PHACTR3: variants seen among roughly 807,000 people sequenced by gnomAD.
The protein encoded by PHACTR3 is protein phosphatase 1, regulatory subunit 123.
PHACTR3 carries 16 observed loss-of-function variants against 66.8 expected under a neutral mutation model. That is an observed-to-expected ratio of 0.24 (90% CI 0.16 to 0.36). The LOEUF (loss-of-function observed/expected upper bound fraction) is 0.36. Ranked by LOEUF, PHACTR3 falls within the 10% of genes least tolerant of loss-of-function variation. PHACTR3 has a pLI of 1.00. For synonymous variants in PHACTR3, 323 were observed against 292.1 expected (o/e 1.11, Z -1.08); for missense variants, 647 against 719.9 (o/e 0.90, Z 1.16).
intron 7 of PHACTR3, among the ~76,000 whole-genome samples, chr20:59,778,521 C>T (rs1196337361): frequency 6.6e-6 from 1 of 152,208 alleles, no homozygotes; most frequent in Non-Finnish European, 1.5e-5. Context: ...AACACTTGGC[C>T]CCTTCTTCTC....
intron 1 of PHACTR3, among the ~76,000 whole-genome samples, chr20:59,589,825 A>G (rs999435003): frequency 2.0e-5 from 3 of 152,264 alleles, no homozygotes; most frequent in African/African-American, 7.2e-5. Flanking sequence ...TGTGCACAAC[A>G]GTGCCAATTC....
At chr20:59,711,622 A>G (rs760635111) in intron 1 of PHACTR3, among the ~76,000 whole-genome samples, 18 of 152,182 alleles carry the variant, frequency 1.2e-4, no homozygotes, top group Non-Finnish European at 2.6e-4. Flanking sequence ...ATGTGCTCAA[A>G]ACACTTATGT....
At chr20:59,735,334 A>T (rs2038909678) in intron 1 of PHACTR3, among the ~76,000 whole-genome samples, 1 of 152,158 alleles carries the variant, frequency 6.6e-6, no homozygotes, top group Admixed American at 6.5e-5. Context: ...CGATATGATG[A>T]ATGGGTTTGT....
chr20:59,724,590 C>G (rs2146694777), intron 1 of PHACTR3, among the ~76,000 whole-genome samples: 1 of 152,240 alleles, frequency 6.6e-6, no homozygotes, highest in South Asian at 2.1e-4. Flanking sequence ...TCCTCTTCAC[C>G]TGGGGAGATT....
intron 1 of PHACTR3, among the ~76,000 whole-genome samples, chr20:59,689,817 A>G (rs1487878474): frequency 1.3e-5 from 2 of 152,078 alleles, no homozygotes; most frequent in Admixed American, 1.3e-4. Flanking sequence ...ACATCCCTGT[A>G]TCCTGGCATC....
chr20:59,587,746 C>T (rs1166521061), intron 1 of PHACTR3, among the ~76,000 whole-genome samples: 2 of 152,012 alleles, frequency 1.3e-5, no homozygotes. Flanking sequence ...GGAGCTGGGG[C>T]TGGAGCCGGG....
chr20:59,707,145 G>A (rs1403694289), intron 1 of PHACTR3, among the ~76,000 whole-genome samples: 4 of 152,220 alleles, frequency 2.6e-5, no homozygotes, highest in African/African-American at 9.6e-5. Flanking sequence ...TGTGGACCAC[G>A]CCAGCAGGGC....
intron 8 of PHACTR3, among the ~76,000 whole-genome samples, chr20:59,806,951 T>C (rs2041590365): frequency 6.6e-6 from 1 of 152,092 alleles, no homozygotes. Context: ...ACATACAAAA[T>C]ACAAAATGTC....
chr20:59,755,372 C>T lies in PHACTR3; in HGVS notation c.541+8C>T. On this transcript the variant is annotated splice_region_variant and intron_variant, in intron 4 of 12. Transcript: ENST00000371015. ...CCCACTTGGACGATGCAGGTACTGG[C>T]TGGAGACCACGCGAAGTTGAGCTGC... 1 of 1,611,992 alleles carries T rather than the reference C, an allele frequency of 6.2e-7. No homozygotes were observed. The highest frequency in any genetic ancestry group is 8.5e-7 in the Non-Finnish European group (1 of 1,179,656).
At chr20:59,792,048 G>C (rs960822056) in intron 7 of PHACTR3, among the ~76,000 whole-genome samples, 8 of 152,150 alleles carry the variant, frequency 5.3e-5, no homozygotes, top group Admixed American at 2.0e-4. Context: ...CACTCACCTA[G>C]GAATAGAAGG....
Position 59,744,739 on chromosome 20 carries a change from G to A in PHACTR3, c.280+1471G>A, listed in dbSNP as rs371896656. 2.6e-5 allele frequency among the ~76,000 whole-genome samples: 4 copies of A among 152,360 alleles called. No individual in the cohort carries two copies. In the East Asian group the frequency reaches 7.7e-4, roughly 29 times the overall value. On this transcript the variant is annotated intron_variant, in intron 2 of 12. Transcript: ENST00000371015. ...TCTTGTTGAAGTGGAAACAGAACAA[G>A]CATCATCATTCGGCAGATCTTGAGC...
intron 1 of PHACTR3, among the ~76,000 whole-genome samples, chr20:59,621,060 GC>G (rs2034215826): frequency 6.6e-6 from 1 of 152,224 alleles, no homozygotes; most frequent in Non-Finnish European, 1.5e-5. Context: ...CGGTGTCTGT[GC>G]CAGTGGAGTG....
chr20:59,762,613 G>C (rs1026090414), intron 4 of PHACTR3, among the ~76,000 whole-genome samples: 1 of 152,214 alleles, frequency 6.6e-6, no homozygotes, highest in Non-Finnish European at 1.5e-5. Flanking sequence ...ATGTAGTTTG[G>C]ATTGGCTAGC....
At chr20:59,836,363 A>G in intron 8 of PHACTR3, 142 bp from the exon 9 acceptor site, 1 of 670,838 alleles carries the variant, frequency 1.5e-6, no homozygotes, top group Non-Finnish European at 2.4e-6. Flanking sequence ...AGAGGCAACA[A>G]CCAAAGGTTC....
chr20:59,695,820 C>T (rs2037277004), intron 1 of PHACTR3, among the ~76,000 whole-genome samples: 2 of 152,076 alleles, frequency 1.3e-5, no homozygotes, highest in South Asian at 4.2e-4. Flanking sequence ...GCAATGTCCA[C>T]CTCTCGGGTT....
At chr20:59,773,231 C>T (rs781486999) in intron 5 of PHACTR3, 48 bp from the exon 6 acceptor site, 41 of 1,576,860 alleles carry the variant, frequency 2.6e-5, no homozygotes, top group African/African-American at 4.1e-5. Flanking sequence ...AACCCTTGGT[C>T]CCAGCTCCTG....
At chr20:59,755,109 A>T in intron 3 of PHACTR3, 73 bp from the exon 4 acceptor site, 1 of 1,479,704 alleles carries the variant, frequency 6.8e-7, no homozygotes, top group Non-Finnish European at 9.2e-7. Context: ...ACTTCTCAGA[A>T]AGACTCTTGG....
At chr20:59,635,148 T>TTTC (rs1491155985) in intron 1 of PHACTR3, among the ~76,000 whole-genome samples, 3 of 23,654 alleles carry the variant, frequency 1.3e-4, no homozygotes, top group East Asian at 3.8e-3. Flanking sequence ...TCTTTCTTTC[T>TTTC]TTTTCTTTCT....
At chr20:59,698,583 A>G (rs1187372189) in intron 1 of PHACTR3, among the ~76,000 whole-genome samples, 1 of 152,182 alleles carries the variant, frequency 6.6e-6, no homozygotes, top group Non-Finnish European at 1.5e-5. Context: ...TCTTAATGTT[A>G]CTCAAAGAAA....
Sources: allele counts gnomAD v4.1 joint callset (sites outside exome capture counted in the v4.1 genomes callset), GRCh38; gene constraint gnomAD v4.1.1; transcripts MANE v1.5; gene names NCBI Gene and HGNC (gene_info 2026-07-23, HGNC 2026-07-21).